The following DOCK9 variants were observed in gnomAD, a reference collection of about 807,000 sequenced individuals.
DOCK9 encodes the protein dedicator of cytokinesis 9.
In DOCK9, 89 loss-of-function variants were observed where a neutral mutation model predicts 263.3. That is an observed-to-expected ratio of 0.34 (90% CI 0.28 to 0.40). DOCK9 has a LOEUF of 0.40. Ranked by LOEUF, DOCK9 falls within the 10% of genes least tolerant of loss-of-function variation. The probability of loss-of-function intolerance (pLI) is 1.00; values close to 1 mark genes in which losing one functional copy is unlikely to be tolerated. For synonymous variants in DOCK9, 976 were observed against 973.1 expected (o/e 1.00, Z -0.06); for missense variants, 2,140 against 2,603.4 (o/e 0.82, Z 3.87).
At chr13:98,821,825 A>C (rs1257801960) in intron 45 of DOCK9, among the ~76,000 whole-genome samples, 1 of 152,200 alleles carries the variant, frequency 6.6e-6, no homozygotes, top group Non-Finnish European at 1.5e-5. Context: ...CCTTAAAGTC[A>C]CTTTAGAGAA....
rs2092676970 is a variant in DOCK9 at position 98,829,510 on chromosome 13, A to T, written c.4762T>A (p.Ser1588Thr). 6.2e-7 allele frequency: 1 copy of T among 1,612,934 alleles called. No homozygotes were observed. The highest frequency in any genetic ancestry group is 2.2e-5 in the East Asian group (1 of 44,862). ...SDRLIKHTSF[S>T]SDVKDLTKRI... ...TTGGTTAAGTCCTTCACATCAGAGG[A>T]GAAGCTGGTGTGCTAAAACAAGGGT... is the stretch of plus-strand genomic sequence containing the variant. Residue 1588 changes from serine to threonine, a missense_variant, in exon 43 of 53, where the codon TCC becomes ACC. Physicochemically the swap from Ser to Thr is moderately conservative, Grantham distance 58 (BLOSUM62 1). Coordinates refer to ENST00000682017, the MANE Select transcript of DOCK9 (RefSeq NM_001366683.2). This position sits in a 1 kb window ranked among gnomAD's most constrained non-coding sequence, Gnocchi z 4.1.
At chr13:99,005,431 CT>C (rs1205843293) in intron 1 of DOCK9, among the ~76,000 whole-genome samples, 2 of 152,020 alleles carry the variant, frequency 1.3e-5, no homozygotes, top group African/African-American at 4.8e-5. Flanking sequence ...AAGAACCTTG[CT>C]TTTGCAGGGC....
intron 1 of DOCK9, among the ~76,000 whole-genome samples, chr13:98,964,877 T>C (rs191531771): frequency 6.6e-6 from 1 of 152,206 alleles, no homozygotes; most frequent in Non-Finnish European, 1.5e-5. Context: ...GAGCACCGGA[T>C]GGGCCAGTGC....
chr13:98,982,520 C>T (rs138108623), upstream of DOCK9, among the ~76,000 whole-genome samples: 1 of 152,206 alleles, frequency 6.6e-6, no homozygotes, highest in Non-Finnish European at 1.5e-5. Context: ...AAGTTTGCCC[C>T]GGTAGAAGAA....
At chr13:99,038,282 G>GT (rs1888096066) in intron 1 of DOCK9, among the ~76,000 whole-genome samples, 1 of 72,190 alleles carries the variant, frequency 1.4e-5, no homozygotes, top group Non-Finnish European at 2.8e-5. Context: ...CTGGCTTTAT[G>GT]CCCCCCTTTT....
intron 7 of DOCK9, among the ~76,000 whole-genome samples, chr13:98,919,319 A>G (rs2051473379): frequency 6.6e-6 from 1 of 152,158 alleles, no homozygotes; most frequent in South Asian, 2.1e-4. Flanking sequence ...CATGTTGGTC[A>G]GGCTGGTCTT....
chr13:98,958,946 C>T (rs1247721968), intron 1 of DOCK9, among the ~76,000 whole-genome samples: 1 of 152,138 alleles, frequency 6.6e-6, no homozygotes, highest in Admixed American at 6.5e-5. Context: ...TCTGTTTCCC[C>T]CCAAGGTGTA....
chr13:99,014,191 G>A (rs907163606), intron 1 of DOCK9, among the ~76,000 whole-genome samples: 3 of 152,216 alleles, frequency 2.0e-5, no homozygotes, highest in East Asian at 1.9e-4. Flanking sequence ...GAAGCTTGCC[G>A]CATGGGAGGG....
chr13:98,990,885 C>T (rs1303189463), intron 1 of DOCK9, among the ~76,000 whole-genome samples: 2 of 152,178 alleles, frequency 1.3e-5, no homozygotes, highest in Non-Finnish European at 2.9e-5. Flanking sequence ...ATGCGGAATG[C>T]TCTCCTGTAT....
chr13:99,088,011 A>T (rs570158585), upstream of DOCK9: 8 of 152,382 alleles, frequency 5.2e-5, no homozygotes, highest in East Asian at 1.5e-3. Context: ...CCTGAAGCGT[A>T]ATCTTAAAGT....
intron 1 of DOCK9, among the ~76,000 whole-genome samples, chr13:98,963,471 A>G (rs1320344367): frequency 6.6e-6 from 1 of 152,238 alleles, no homozygotes; most frequent in African/African-American, 2.4e-5. Flanking sequence ...AGCTCCAAAG[A>G]GCACAGTAAT....
Position 98,870,403 on chromosome 13 carries a change from T to C in DOCK9, c.2944-2026A>G, listed in dbSNP as rs533173795. ...TGCATATGTGCCACCAATAACTCTA[T>C]ATCCTGAGATGACAGCATCAATAGA... On this transcript the variant is annotated intron_variant, in intron 27 of 52. Transcript: ENST00000682017. 8.5e-5 allele frequency among the ~76,000 whole-genome samples: 13 copies of C among 152,278 alleles called. No individual in the cohort carries two copies. In the East Asian group the frequency reaches 2.1e-3, roughly 25 times the overall value.
intron 1 of DOCK9, among the ~76,000 whole-genome samples, chr13:99,028,856 A>C (rs961666032): frequency 1.3e-5 from 2 of 152,206 alleles, no homozygotes; most frequent in Non-Finnish European, 2.9e-5. Flanking sequence ...TGTTGTGTGG[A>C]AGTTAAAATA....
At chr13:98,899,052 A>T (rs907344378) in intron 13 of DOCK9, among the ~76,000 whole-genome samples, 4 of 140,392 alleles carry the variant, frequency 2.8e-5, no homozygotes, top group Non-Finnish European at 4.6e-5. Flanking sequence ...ACATTACTTA[A>T]TTTTTTTTTT....
chr13:99,038,604 C>T (rs998379535), intron 1 of DOCK9, among the ~76,000 whole-genome samples: 2 of 152,134 alleles, frequency 1.3e-5, no homozygotes, highest in Non-Finnish European at 2.9e-5. Flanking sequence ...CCACGTCCGG[C>T]TTATGCCACT....
At chr13:98,881,771 G>A (rs2044801190) in intron 24 of DOCK9, 121 bp downstream of exon 24, 1 of 1,242,672 alleles carries the variant, frequency 8.0e-7, no homozygotes, top group African/African-American at 1.5e-5. Flanking sequence ...CCTTACACAT[G>A]GGATCAAAGA....
chr13:98,930,128 A>G, intron 3 of DOCK9, 40 bp downstream of exon 3: 1 of 1,558,946 alleles, frequency 6.4e-7, no homozygotes, highest in African/African-American at 1.4e-5. Flanking sequence ...TTAGGGGAAA[A>G]TGACTTCAAA....
intron 43 of DOCK9, among the ~76,000 whole-genome samples, chr13:98,827,745 C>T (rs1405492449): frequency 1.3e-5 from 2 of 152,222 alleles, no homozygotes; most frequent in Non-Finnish European, 2.9e-5. Context: ...GTCCCTCTTG[C>T]AGTACAAAGC....
upstream of DOCK9, among the ~76,000 whole-genome samples, chr13:99,087,025 G>C (rs566617227): frequency 1.4e-4 from 22 of 152,232 alleles, no homozygotes; most frequent in African/African-American, 5.1e-4. Context: ...TCACCGGCAG[G>C]GTCGGAGCTC....
Sources: allele counts gnomAD v4.1 joint callset (sites outside exome capture counted in the v4.1 genomes callset), GRCh38; gene constraint gnomAD v4.1.1; non-coding constraint Gnocchi (gnomAD v3.1); transcripts MANE v1.5; gene names NCBI Gene and HGNC (gene_info 2026-07-23, HGNC 2026-07-21).